The following DST variants were observed in gnomAD, a reference collection of about 807,000 sequenced individuals.
The protein encoded by DST is dystonin.
Under a neutral mutation model 875.2 loss-of-function variants are expected in DST, and 253 were observed. That is an observed-to-expected ratio of 0.29 (90% CI 0.26 to 0.32). The LOEUF is 0.32. Ranked by LOEUF, DST falls within the 10% of genes least tolerant of loss-of-function variation. DST has a pLI of 1.00. For missense variants in DST, 8,287 were observed against 9,111.6 expected (o/e 0.91, Z 3.68); for synonymous variants, 3,124 against 3,197.1 (o/e 0.98, Z 0.77).
rs1174456545 is a variant in DST, at chr6:56,494,066, T to C, written c.20338A>G (p.Ile6780Val). Residue 6780 changes from isoleucine to valine, a missense_variant, in exon 83 of 104, where the codon ATA (isoleucine) becomes GTA (valine). Ile to Val is a conservative substitution (Grantham distance 29). Around this residue, in one of 10 missense-constraint regions of DST, gnomAD observed 1,292 missense variants for 1,552.7 expected, o/e 0.83. Coordinates refer to ENST00000680361, the MANE Select transcript of DST (RefSeq NM_001374736.1). ...KSAETNIDQD[I>V]NNLKEKWESV... ...TCCCATTTTTCTTTCAAGTTATTTA[T>C]GTCTTGGTCAATATTTGTCTCTGCA... 1.2e-6 allele frequency: 2 copies of C among 1,608,518 alleles called. No individual in the cohort carries two copies. The highest frequency in any genetic ancestry group is 1.7e-6 in the Non-Finnish European group (2 of 1,177,120).
At chr6:56,593,192 T>C (rs1017490976) in intron 48 of DST, among the ~76,000 whole-genome samples, 4 of 152,086 alleles carry the variant, frequency 2.6e-5, no homozygotes, top group South Asian at 4.1e-4. Context: ...CATATTTAAA[T>C]ACATTGTTCA....
intron 4 of DST, among the ~76,000 whole-genome samples, chr6:56,816,908 AAAATTC>A (rs2099767216): frequency 6.6e-6 from 1 of 151,408 alleles, no homozygotes; most frequent in Admixed American, 6.6e-5. Context: ...ATTTATGTTT[AAAATTC>A]TCTCCTGAAG....
At chr6:56,897,799 G>C (rs1488588369) in intron 3 of DST, among the ~76,000 whole-genome samples, 2 of 152,106 alleles carry the variant, frequency 1.3e-5, no homozygotes, top group African/African-American at 2.4e-5. Context: ...ATACCACTGA[G>C]AGCACGAGCT....
At position 56,459,097 on chromosome 6, in the gene DST, C is replaced by T. The variant is rs558022526; in HGVS notation, c.23365G>A (p.Gly7789Ser). 10 of 1,613,918 alleles carry T rather than the reference C, an allele frequency of 6.2e-6. No individual in the cohort carries two copies. The South Asian group carries it at 8.8e-5, about 14-fold the overall frequency. The part of the protein sequence containing the change: ...PQTHRPTPRA[G>S]SRPSTAKPSK... ...GGCTTCGCTGTGGATGGCCGAGAAC[C>T]TGCTCGGGGTGTAGGTCTGTGTGTC... Residue 7789 changes from glycine to serine, a missense_variant, in exon 104 of 104, where the codon GGT becomes AGT. Coordinates refer to ENST00000680361, the MANE Select transcript of DST (RefSeq NM_001374736.1).
At chr6:56,742,853 C>T (rs2099552103) in intron 4 of DST, among the ~76,000 whole-genome samples, 1 of 152,132 alleles carries the variant, frequency 6.6e-6, no homozygotes, top group Admixed American at 6.5e-5. Flanking sequence ...GGGAGAAAAC[C>T]ACTTTTGGGT....
intron 61 of DST, among the ~76,000 whole-genome samples, chr6:56,539,136 C>T (rs2097073432): frequency 6.6e-6 from 1 of 152,008 alleles, no homozygotes; most frequent in African/African-American, 2.4e-5. Flanking sequence ...AAAAGGATAA[C>T]AATAATGTTC....
At chr6:56,496,420 G>C (rs1366516508) in intron 82 of DST, among the ~76,000 whole-genome samples, 1 of 152,004 alleles carries the variant, frequency 6.6e-6, no homozygotes, top group African/African-American at 2.4e-5. Flanking sequence ...TCTGTATTTG[G>C]TGTAAGTATG....
chr6:56,783,305 T>C (rs945999931), intron 4 of DST, among the ~76,000 whole-genome samples: 23 of 152,296 alleles, frequency 1.5e-4, no homozygotes, highest in African/African-American at 4.6e-4. Flanking sequence ...CATTGATCTG[T>C]CTAATGTTGA....
intron 75 of DST, 120 bp downstream of exon 75, chr6:56,508,409 T>A: frequency 1.2e-6 from 1 of 809,892 alleles, no homozygotes. Flanking sequence ...TCACTGCACA[T>A]TCCATTTTCA....
At chr6:56,692,912 C>T (rs1184378326) in intron 9 of DST, 11 of 1,289,768 alleles carry the variant, frequency 8.5e-6, no homozygotes, top group Admixed American at 2.3e-5. Flanking sequence ...TCCTGCTGTA[C>T]CAGTCCCCTG....
rs1395946555 is a variant in DST, at chr6:56,509,859, T to C, written c.18795A>G (p.Ile6265Met). The change falls in exon 74 of 104, where the codon ATA becomes ATG. Residue 6265 changes from isoleucine to methionine, a missense_variant. By Grantham distance (10) the Ile-to-Met change is conservative. This residue lies in a region of DST where 1,292 missense variants were observed against 1,552.7 expected (regional missense o/e 0.83). Transcript: ENST00000680361. The part of the protein sequence containing the change: ...ISQSTQFHDK[I>M]DQILESLERI... The stretch of plus-strand genomic sequence containing the variant: ...GTTCCAGGCTCTCAAGGATCTGATC[T>C]ATCTTGTCATGGAACTAGGGGCAAA... 2 of 1,604,874 alleles carry C rather than the reference T, an allele frequency of 1.2e-6. No homozygotes were observed. Among genetic ancestry groups the C allele is most frequent in the East Asian group, 2.2e-5 (1 of 44,746 alleles).
At chr6:56,833,397 C>T (rs2099789739) in intron 4 of DST, among the ~76,000 whole-genome samples, 1 of 152,170 alleles carries the variant, frequency 6.6e-6, no homozygotes, top group African/African-American at 2.4e-5. Context: ...TCACTAACTA[C>T]TTTCTTACTT....
At chr6:56,580,655 GGACAAGAGGA>G (rs2097959134) in intron 49 of DST, among the ~76,000 whole-genome samples, 2 of 151,344 alleles carry the variant, frequency 1.3e-5, no homozygotes, top group Admixed American at 6.6e-5. Flanking sequence ...CAGGAACAAA[GGACAAGAGGA>G]GACAAGAGTA....
intron 4 of DST, among the ~76,000 whole-genome samples, chr6:56,763,682 T>TACACACACAC (rs1257855378): frequency 2.3e-5 from 1 of 42,716 alleles, no homozygotes; most frequent in African/African-American, 1.2e-4. Flanking sequence ...AAAAAATACC[T>TACACACACAC]ATACACACAC....
intron 13 of DST, among the ~76,000 whole-genome samples, chr6:56,647,574 G>T (rs182982624): frequency 6.6e-6 from 1 of 151,910 alleles, no homozygotes; most frequent in Non-Finnish European, 1.5e-5. Context: ...GGCAATATTC[G>T]CATTATCAGC....
intron 4 of DST, among the ~76,000 whole-genome samples, chr6:56,811,832 C>A (rs139354004): frequency 6.6e-6 from 1 of 152,016 alleles, no homozygotes; most frequent in Admixed American, 6.6e-5. Context: ...CAGTGGTTCA[C>A]ACCTGTAATC....
chr6:56,804,627 C>T (rs564961020), intron 4 of DST, among the ~76,000 whole-genome samples: 2 of 152,190 alleles, frequency 1.3e-5, no homozygotes, highest in Admixed American at 6.5e-5. Flanking sequence ...AACGACCACG[C>T]TAAAGAAGTT....
intron 72 of DST, among the ~76,000 whole-genome samples, chr6:56,514,732 T>G (rs1409468934): frequency 6.6e-6 from 1 of 152,186 alleles, no homozygotes; most frequent in East Asian, 1.9e-4. Flanking sequence ...CTAGTTTTTT[T>G]CTGACAGTCT....
intron 4 of DST, among the ~76,000 whole-genome samples, chr6:56,808,386 C>A (rs2099755770): frequency 1.3e-5 from 2 of 151,898 alleles, no homozygotes; most frequent in African/African-American, 4.8e-5. Flanking sequence ...CGTTGAGAGA[C>A]ATGAAACATG....
Sources: gnomAD v4.1 joint callset for allele counts (sites outside exome capture counted in the v4.1 genomes callset) on GRCh38, gnomAD v4.1.1 for gene constraint, gnomAD v4.1.1 regional missense constraint, MANE v1.5 for transcripts, NCBI Gene and HGNC (gene_info 2026-07-23, HGNC 2026-07-21) for gene names.